MAPK4: variants seen among roughly 807,000 people sequenced by gnomAD.
MAPK4 encodes mitogen-activated protein kinase 4, also known as Erk3-related.
Under a neutral mutation model 47.7 loss-of-function variants are expected in MAPK4, and 22 were observed. That is an observed-to-expected ratio of 0.46 (90% CI 0.33 to 0.66). The LOEUF (loss-of-function observed/expected upper bound fraction) is 0.66. Among genes scored for constraint, MAPK4 ranks in the 30% least tolerant of loss-of-function variants. The pLI is 0.02. For missense variants in MAPK4, 736 were observed against 831.7 expected (o/e 0.88, Z 1.42); for synonymous variants, 390 against 365.7 (o/e 1.07, Z -0.76).
At chr18:50,636,737 T>C (rs185134543) in intron 1 of MAPK4, among the ~76,000 whole-genome samples, 9 of 152,332 alleles carry the variant, frequency 5.9e-5, no homozygotes, top group Admixed American at 5.2e-4. Flanking sequence ...TTTAGGGTCT[T>C]CGTGTACATC....
chr18:50,593,744 A>G (rs1422535274), intron 1 of MAPK4, among the ~76,000 whole-genome samples: 2 of 152,230 alleles, frequency 1.3e-5, no homozygotes, highest in Non-Finnish European at 2.9e-5. Context: ...TTGTATGAAC[A>G]TGCACAAGAT....
intron 4 of MAPK4, among the ~76,000 whole-genome samples, chr18:50,725,346 A>AC (rs1395871668): frequency 6.6e-6 from 1 of 151,736 alleles, no homozygotes; most frequent in Non-Finnish European, 1.5e-5. Flanking sequence ...ACCCTGTCCC[A>AC]CCCCTCGACT....
chr18:50,593,684 G>A (rs2042457896), intron 1 of MAPK4, among the ~76,000 whole-genome samples: 1 of 152,160 alleles, frequency 6.6e-6, no homozygotes, highest in Non-Finnish European at 1.5e-5. Context: ...CAGTCCCAGT[G>A]AAAACCCTGG....
In MAPK4 at chr18:50,673,786, G is replaced by A. The variant is rs911818461; in HGVS notation, c.546+9282G>A. Among the ~76,000 whole-genome samples the A allele has an allele frequency of 6.6e-5, 10 of 152,250 alleles. 1 individual carries two copies. In the East Asian group the frequency reaches 1.9e-3, roughly 29 times the overall value. On this transcript the variant is annotated intron_variant, in intron 2 of 5. Transcript: ENST00000400384. ...CAGGAGAATGGCATGAACCCAGGAG[G>A]CGGAGCTTGCAGTGAGCCGAGATTG...
intron 2 of MAPK4, among the ~76,000 whole-genome samples, chr18:50,691,256 A>C (rs1003435682): frequency 6.6e-6 from 1 of 152,092 alleles, no homozygotes; most frequent in Non-Finnish European, 1.5e-5. Flanking sequence ...GGCCTCCCAG[A>C]GTGCTGGGAT....
chr18:50,658,581 T>C (rs998791431), intron 1 of MAPK4, among the ~76,000 whole-genome samples: 2 of 152,258 alleles, frequency 1.3e-5, no homozygotes, highest in South Asian at 4.1e-4. Context: ...CTTCATCATG[T>C]CCTCTTTACC....
intron 1 of MAPK4, among the ~76,000 whole-genome samples, chr18:50,603,788 T>C (rs1431158578): frequency 6.6e-6 from 1 of 152,228 alleles, no homozygotes; most frequent in Non-Finnish European, 1.5e-5. Flanking sequence ...GGTGGGTTCA[T>C]TGCACTGGTG....
At chr18:50,584,242 T>G (rs2042370382) in intron 1 of MAPK4, among the ~76,000 whole-genome samples, 1 of 152,210 alleles carries the variant, frequency 6.6e-6, no homozygotes. Flanking sequence ...AAGCCCTTTA[T>G]GTCTCTTCTC....
At chr18:50,611,947 T>G (rs1244016713) in intron 1 of MAPK4, among the ~76,000 whole-genome samples, 1 of 152,192 alleles carries the variant, frequency 6.6e-6, no homozygotes, top group South Asian at 2.1e-4. Context: ...GATCGAAGTA[T>G]GAGTTACATA....
At chr18:50,705,741 C>T (rs771562602) in intron 2 of MAPK4, 8 of 152,178 alleles carry the variant, frequency 5.3e-5, no homozygotes, top group Non-Finnish European at 1.0e-4. Context: ...CACATGGCCA[C>T]GTGGCTCGCC....
chr18:50,684,185 A>T (rs1908739509), intron 2 of MAPK4, among the ~76,000 whole-genome samples: 2 of 152,168 alleles, frequency 1.3e-5, no homozygotes, highest in African/African-American at 4.8e-5. Flanking sequence ...GCTTGATTCC[A>T]TTAAATAACC....
chr18:50,619,640 G>T (rs1300503675), intron 1 of MAPK4, among the ~76,000 whole-genome samples: 2 of 152,100 alleles, frequency 1.3e-5, no homozygotes, highest in Non-Finnish European at 2.9e-5. Context: ...GGACACAAAT[G>T]GGCCTTCATC....
chr18:50,725,103 G>A (rs927844834), intron 4 of MAPK4, among the ~76,000 whole-genome samples: 2 of 152,168 alleles, frequency 1.3e-5, no homozygotes, highest in East Asian at 1.9e-4. Context: ...ACAGCCTCTC[G>A]CACAAGGCTT....
chr18:50,719,781 CCA>C (rs1434209682), intron 3 of MAPK4, among the ~76,000 whole-genome samples: 1 of 152,212 alleles, frequency 6.6e-6, no homozygotes, highest in Non-Finnish European at 1.5e-5. Context: ...ACTGTATAAT[CCA>C]CAGTCTATTG....
At chr18:50,674,710 G>T (rs1395121658) in intron 2 of MAPK4, among the ~76,000 whole-genome samples, 1 of 152,190 alleles carries the variant, frequency 6.6e-6, no homozygotes, top group Non-Finnish European at 1.5e-5. Flanking sequence ...GCTGTGCAAA[G>T]CCGTTATCCC....
intron 2 of MAPK4, among the ~76,000 whole-genome samples, chr18:50,709,255 C>T (rs1166410132): frequency 6.6e-6 from 1 of 152,172 alleles, no homozygotes; most frequent in Non-Finnish European, 1.5e-5. Flanking sequence ...CTCACTTTTC[C>T]CCTAAGTTTT....
intron 1 of MAPK4, among the ~76,000 whole-genome samples, chr18:50,601,958 C>A (rs919250109): frequency 2.0e-5 from 3 of 152,098 alleles, no homozygotes; most frequent in African/African-American, 4.8e-5. Flanking sequence ...ATGGAAAGGA[C>A]CCATTATTTT....
At chr18:50,683,444 TGGTGATGG>T (rs1044885741) in intron 2 of MAPK4, among the ~76,000 whole-genome samples, 4 of 140,332 alleles carry the variant, frequency 2.9e-5, no homozygotes, top group African/African-American at 1.1e-4. Flanking sequence ...TTATTTTTAT[TGGTGATGG>T]GGTGTGTGTG....
intron 2 of MAPK4, among the ~76,000 whole-genome samples, chr18:50,695,576 G>A (rs979196656): frequency 3.3e-5 from 5 of 152,130 alleles, no homozygotes; most frequent in African/African-American, 1.2e-4. Flanking sequence ...GATTTAAAGA[G>A]GGAGGGAGGA....
Sources: gnomAD v4.1 joint callset for allele counts (sites outside exome capture counted in the v4.1 genomes callset) on GRCh38, gnomAD v4.1.1 for gene constraint, MANE v1.5 for transcripts, NCBI Gene and HGNC (gene_info 2026-07-23, HGNC 2026-07-21) for gene names.